The following EDC3 variants were observed in gnomAD, a reference collection of about 807,000 sequenced individuals.
EDC3 encodes the protein enhancer of mRNA-decapping protein 3.
EDC3 carries 20 observed loss-of-function variants against 41.8 expected under a neutral mutation model. That is an observed-to-expected ratio of 0.48 (90% CI 0.34 to 0.70). The LOEUF is 0.70. Ranked by LOEUF, EDC3 falls within the 30% of genes least tolerant of loss-of-function variation. The pLI is 0.01. For missense variants in EDC3, 444 were observed against 636.8 expected (o/e 0.70, Z 3.26); for synonymous variants, 206 against 243.2 (o/e 0.85, Z 1.42).
Position 74,667,622 on chromosome 15 carries a change from G to A in EDC3, c.484+3833C>T, listed in dbSNP as rs902148037. On this transcript the variant is annotated intron_variant, in intron 3 of 6. Coordinates refer to ENST00000315127, the MANE Select transcript of EDC3 (RefSeq NM_025083.5). ...TCCACAATGATTGGAGTATGTCAAA[G>A]GGACATGAGATCCAAGTGAAAGATT... Among the ~76,000 whole-genome samples, 10 of 151,616 alleles carry A rather than the reference G, an allele frequency of 6.6e-5. No individual in the cohort carries two copies. In the East Asian group the frequency reaches 1.7e-3, roughly 26 times the overall value.
intron 3 of EDC3, among the ~76,000 whole-genome samples, chr15:74,666,944 G>A (rs1470984086): frequency 6.6e-6 from 1 of 152,100 alleles, no homozygotes; most frequent in Non-Finnish European, 1.5e-5. Context: ...AGTCAATGAA[G>A]GAAATGGGAG....
In EDC3 at chr15:74,681,297, T is replaced by C. The variant is rs999173459; in HGVS notation, c.-18-6155A>G. Among the ~76,000 whole-genome samples the C allele has an allele frequency of 4.9e-4, 75 of 152,180 alleles. 1 individual carries two copies. Among genetic ancestry groups the C allele is most frequent in the African/African-American group, 1.7e-3 (71 of 41,534 alleles). Reference sequence around the variant, plus strand: ...CCTCCCGAGTAGCTGGCATTACAGGTGCCCACCACCACGCCTGGCTAATTT... The same window carrying C: ...CCTCCCGAGTAGCTGGCATTACAGGCGCCCACCACCACGCCTGGCTAATTT... On this transcript the variant is annotated intron_variant, in intron 1 of 6. Transcript: ENST00000315127.
At chr15:74,681,563 T>A (rs1370194802) in intron 1 of EDC3, among the ~76,000 whole-genome samples, 1 of 152,076 alleles carries the variant, frequency 6.6e-6, no homozygotes, top group Non-Finnish European at 1.5e-5. Flanking sequence ...AACATGTAAA[T>A]CGATAAAATA....
rs1477198378 is a variant in EDC3, at chr15:74,632,953, G to A, written c.1193-7C>T. The A allele has an allele frequency of 5.0e-6, 8 of 1,611,878 alleles. No homozygotes were observed. The highest frequency in any genetic ancestry group is 6.8e-6 in the Non-Finnish European group (8 of 1,178,402). ...ACAGGGCTAGTGGGCAGATCTGCAGGTGGAAAGAGTGCCATCTGAAAGTCC... is the reference window on the plus strand; with the variant it reads ...ACAGGGCTAGTGGGCAGATCTGCAGATGGAAAGAGTGCCATCTGAAAGTCC... On this transcript the variant is annotated splice_region_variant and splice_polypyrimidine_tract_variant and intron_variant, in intron 6 of 6. Coordinates refer to ENST00000315127, the MANE Select transcript of EDC3 (RefSeq NM_025083.5). This position sits in a 1 kb window ranked among gnomAD's most constrained non-coding sequence, Gnocchi z 4.0.
chr15:74,639,744 C>G (rs1405166827), intron 5 of EDC3: 1 of 151,026 alleles, frequency 6.6e-6, no homozygotes, highest in African/African-American at 2.4e-5. Flanking sequence ...ATGCCTTCTT[C>G]TTTCTTGCTT....
chr15:74,684,542 G>C (rs1283547443), intron 1 of EDC3, among the ~76,000 whole-genome samples: 1 of 149,680 alleles, frequency 6.7e-6, no homozygotes, highest in Non-Finnish European at 1.5e-5. Context: ...CTGAGGATGA[G>C]GCAAGGATGT....
intron 4 of EDC3, among the ~76,000 whole-genome samples, chr15:74,653,964 A>T (rs908858677): frequency 1.3e-5 from 2 of 152,138 alleles, no homozygotes; most frequent in African/African-American, 4.8e-5. Context: ...AAAATCCTGC[A>T]GTGTAGGGCT....
chr15:74,636,261 G>C (rs1299135709), intron 5 of EDC3: 2 of 154,100 alleles, frequency 1.3e-5, no homozygotes, highest in African/African-American at 4.8e-5. Flanking sequence ...GTTAATGAAA[G>C]CAATGCTGCA....
chr15:74,645,277 GTAA>G (rs2062399723), intron 4 of EDC3: 1 of 152,098 alleles, frequency 6.6e-6, no homozygotes, highest in Non-Finnish European at 1.5e-5. Context: ...TAGTATTTTT[GTAA>G]TAATTTAAAT....
intron 4 of EDC3, among the ~76,000 whole-genome samples, chr15:74,647,510 T>C (rs1188914340): frequency 3.3e-5 from 5 of 152,178 alleles, no homozygotes; most frequent in Admixed American, 2.6e-4. Flanking sequence ...TTGGAAAACA[T>C]GTAAGAAGCA....
At position 74,632,787 on chromosome 15, in the gene EDC3, T is replaced by A. The variant is rs763861876; in HGVS notation, c.1352A>T (p.Gln451Leu). 2.7e-5 allele frequency: 43 copies of A among 1,614,136 alleles called. No individual in the cohort carries two copies. The highest frequency in any genetic ancestry group is 3.4e-5 in the Non-Finnish European group (40 of 1,180,046). Reference protein sequence around the residue: ...SIDPPVHEVEQGIDAKWSLAL... With the variant: ...SIDPPVHEVELGIDAKWSLAL... ...CAGTGACCATTTGGCATCAATGCCC[T>A]GTTCGACTTCATGCACAGGAGGGTC... Residue 451 changes from glutamine (Q) to leucine (L), a missense_variant, in exon 7 of 7, where the codon CAG becomes CTG. Physicochemically the swap from Gln to Leu is moderately radical, Grantham distance 113. Transcript: ENST00000315127. The surrounding 1 kb of genome is among the most constrained non-coding windows in gnomAD (Gnocchi z 4.0).
At chr15:74,662,301 A>T (rs948242152) in intron 3 of EDC3, among the ~76,000 whole-genome samples, 1 of 152,044 alleles carries the variant, frequency 6.6e-6, no homozygotes, top group African/African-American at 2.4e-5. Context: ...CTAACTTCCC[A>T]AGGAGTTTAT....
intron 3 of EDC3, among the ~76,000 whole-genome samples, chr15:74,669,919 T>C (rs1272351916): frequency 1.3e-5 from 2 of 152,022 alleles, no homozygotes; most frequent in East Asian, 3.9e-4. Context: ...TCTTGGCTAA[T>C]CACAACCTCC....
chr15:74,662,729 G>A (rs905018854), intron 3 of EDC3, among the ~76,000 whole-genome samples: 3 of 152,136 alleles, frequency 2.0e-5, no homozygotes, highest in African/African-American at 7.2e-5. Context: ...ATCAGTGAAG[G>A]AGAAGACAGG....
chr15:74,678,566 A>T (rs1229785196), intron 1 of EDC3, among the ~76,000 whole-genome samples: 1 of 152,186 alleles, frequency 6.6e-6, no homozygotes, highest in Non-Finnish European at 1.5e-5. Context: ...GAAAAAAATA[A>T]TGTCAATCTC....
At chr15:74,686,049 G>A (rs764661318) in intron 1 of EDC3, among the ~76,000 whole-genome samples, 9 of 152,020 alleles carry the variant, frequency 5.9e-5, no homozygotes, top group Non-Finnish European at 7.4e-5. Context: ...AAAATTGGCC[G>A]GGCGCAGTGG....
chr15:74,635,796 T>C (rs2062266139), intron 5 of EDC3, 170 bp from the exon 6 acceptor site: 3 of 636,066 alleles, frequency 4.7e-6, no homozygotes. Context: ...GTCTATAGGG[T>C]GGCACTCCTG....
At chr15:74,653,622 G>C (rs964772831) in intron 4 of EDC3, among the ~76,000 whole-genome samples, 8 of 152,192 alleles carry the variant, frequency 5.3e-5, no homozygotes, top group African/African-American at 1.9e-4. Flanking sequence ...TCATGAACCA[G>C]TGGAGTGCAA....
intron 4 of EDC3, among the ~76,000 whole-genome samples, chr15:74,648,641 C>T (rs2062444497): frequency 1.3e-5 from 2 of 152,154 alleles, no homozygotes; most frequent in South Asian, 4.1e-4. Context: ...TAACTGGATC[C>T]TTTTTAAGGA....
Sources: gnomAD v4.1 joint callset for allele counts (sites outside exome capture counted in the v4.1 genomes callset) on GRCh38, gnomAD v4.1.1 for gene constraint, Gnocchi (gnomAD v3.1) non-coding constraint, MANE v1.5 for transcripts, NCBI Gene and HGNC (gene_info 2026-07-23, HGNC 2026-07-21) for gene names.